ZNF345: variants seen among roughly 807,000 people sequenced by gnomAD.
ZNF345 encodes the protein zinc finger protein HZF10.
For synonymous variants in ZNF345, 166 were observed against 187.9 expected (o/e 0.88, Z 0.95); for missense variants, 527 against 589.9 (o/e 0.89, Z 1.10).
chr19:36,859,553 A>G (rs533526802), intron 2 of ZNF345, among the ~76,000 whole-genome samples: 8 of 150,582 alleles, frequency 5.3e-5, no homozygotes, highest in African/African-American at 1.7e-4. Context: ...GTTTTATATT[A>G]TTTTTATACA....
chr19:36,868,017 T>C (rs1194771200), intron 2 of ZNF345, among the ~76,000 whole-genome samples: 1 of 151,180 alleles, frequency 6.6e-6, no homozygotes, highest in East Asian at 1.9e-4. Context: ...TTTTTTTTTT[T>C]TTTGAGTCAG....
At chr19:36,888,013 GAA>G (rs1222279418) in intron 3 of ZNF345, 2 of 152,008 alleles carry the variant, frequency 1.3e-5, no homozygotes, top group Non-Finnish European at 2.9e-5. Flanking sequence ...AAAAGATTAG[GAA>G]AAGTTACTGA....
Position 36,878,010 on chromosome 19 carries a change from G to C in ZNF345, c.1180G>C (p.Gly394Arg). Residue 394 changes from glycine to arginine, a missense_variant, in exon 3 of 3, where the codon GGT becomes CGT. Coordinates refer to ENST00000420450, the MANE Select transcript of ZNF345 (RefSeq NM_001242472.2). ...TATCCAACACCAGCTAATCCATACT[G>C]GTGAAAGACCCTATGAATGTAAAGA... ...KLIQHQLIHT[G>R]ERPYECKECG... 6.2e-7 allele frequency: 1 copy of C among 1,613,938 alleles called. No homozygotes were observed. The highest frequency in any genetic ancestry group is 8.5e-7 in the Non-Finnish European group (1 of 1,179,904).
At chr19:36,892,012 C>A in intron 3 of ZNF345, 1 of 1,613,798 alleles carries the variant, frequency 6.2e-7, no homozygotes, top group Non-Finnish European at 8.5e-7. Flanking sequence ...AGTGTGAATT[C>A]TCTGATGATC....
chr19:36,858,031 A>C (rs891060974), intron 2 of ZNF345, among the ~76,000 whole-genome samples: 4 of 150,614 alleles, frequency 2.7e-5, no homozygotes, highest in Non-Finnish European at 5.9e-5. Context: ...CCGCCCACCT[A>C]GGCCTCCCAA....
chr19:36,870,410 C>T (rs2146183744), intron 2 of ZNF345, among the ~76,000 whole-genome samples: 1 of 152,130 alleles, frequency 6.6e-6, no homozygotes, highest in African/African-American at 2.4e-5. Flanking sequence ...ACTGCTTGTA[C>T]CACTATTACT....
chr19:36,868,145 G>A (rs1365900111), intron 2 of ZNF345, among the ~76,000 whole-genome samples: 1 of 151,834 alleles, frequency 6.6e-6, no homozygotes, highest in Non-Finnish European at 1.5e-5. Flanking sequence ...TGGGATTACA[G>A]GTGCGTGCCA....
chr19:36,867,624 T>C (rs1215382003), intron 2 of ZNF345, among the ~76,000 whole-genome samples: 1 of 152,236 alleles, frequency 6.6e-6, no homozygotes, highest in Non-Finnish European at 1.5e-5. Flanking sequence ...AATTCTGTTT[T>C]TTTGAAAGAA....
chr19:36,883,185 A>C (rs1379131355), downstream of ZNF345, among the ~76,000 whole-genome samples: 1 of 152,228 alleles, frequency 6.6e-6, no homozygotes, highest in African/African-American at 2.4e-5. Flanking sequence ...AGAACACCAT[A>C]TATCTATAGG....
At chr19:36,876,444 G>C (rs1026624298) in intron 2 of ZNF345, among the ~76,000 whole-genome samples, 1 of 152,086 alleles carries the variant, frequency 6.6e-6, no homozygotes, top group Non-Finnish European at 1.5e-5. Flanking sequence ...AATTAAGACA[G>C]GGCCAGGACA....
In ZNF345 at chr19:36,878,029, G is replaced by A. The variant is rs1171882640; in HGVS notation, c.1199G>A (p.Cys400Tyr). 1.9e-6 allele frequency: 3 copies of A among 1,614,056 alleles called. No individual in the cohort carries two copies. The highest frequency in any genetic ancestry group is 2.5e-6 in the Non-Finnish European group (3 of 1,180,004). ...LIHTGERPYE[C>Y]KECGKSFSSG... ...CATACTGGTGAAAGACCCTATGAATGTAAAGAATGTGGAAAGTCCTTTAGT... is the reference window on the plus strand; with the variant it reads ...CATACTGGTGAAAGACCCTATGAATATAAAGAATGTGGAAAGTCCTTTAGT... The change falls in exon 3 of 3, where the codon TGT becomes TAT. Residue 400 changes from cysteine to tyrosine, a missense_variant. Coordinates refer to ENST00000420450, the MANE Select transcript of ZNF345 (RefSeq NM_001242472.2).
chr19:36,861,786 T>C (rs543788622), intron 2 of ZNF345, among the ~76,000 whole-genome samples: 264 of 152,058 alleles, frequency 1.7e-3, no homozygotes, highest in African/African-American at 6.0e-3. Flanking sequence ...GGTCTTGATC[T>C]CTTGAGCTTG....
downstream of ZNF345, among the ~76,000 whole-genome samples, chr19:36,882,128 A>C (rs1443083434): frequency 6.6e-6 from 1 of 151,972 alleles, no homozygotes; most frequent in African/African-American, 2.4e-5. Flanking sequence ...CTATTTCAAA[A>C]ATATATTTCA....
intron 2 of ZNF345, among the ~76,000 whole-genome samples, chr19:36,854,094 C>G (rs2146119135): frequency 6.6e-6 from 1 of 152,256 alleles, no homozygotes; most frequent in Non-Finnish European, 1.5e-5. Context: ...TCAACAAGGT[C>G]TTGTTTATCT....
downstream of ZNF345, among the ~76,000 whole-genome samples, chr19:36,881,037 A>G (rs898809591): frequency 1.6e-4 from 25 of 152,214 alleles, no homozygotes; most frequent in Non-Finnish European, 1.3e-4. Context: ...AGAATAAAAA[A>G]AGCTAGATCA....
At position 36,861,668 on chromosome 19, in the gene ZNF345, C is replaced by G. The variant is rs539875251; in HGVS notation, c.-47+9764C>G. Among the ~76,000 whole-genome samples, 347 of 152,004 alleles carry G rather than the reference C, an allele frequency of 2.3e-3. 3 individuals carry two copies. Among genetic ancestry groups the G allele is most frequent in the Non-Finnish European group, 2.9e-3 (199 of 67,980 alleles). On this transcript the variant is annotated intron_variant, in intron 2 of 2. Coordinates refer to ENST00000420450, the MANE Select transcript of ZNF345 (RefSeq NM_001242472.2). Reference sequence around the variant, plus strand: ...CTCTGTCTCCTGGGTTCAAGTGATCCTCTTGCCTGAGCCTCCCAAGTAGCT... The same window carrying G: ...CTCTGTCTCCTGGGTTCAAGTGATCGTCTTGCCTGAGCCTCCCAAGTAGCT...
At position 36,876,962 on chromosome 19, in the gene ZNF345, C is replaced by A. The variant is rs776019477; in HGVS notation, c.132C>A (p.Asp44Glu). Residue 44 changes from aspartate (D) to glutamate (E), a missense_variant, in exon 3 of 3, where the codon GAC (aspartate) becomes GAA (glutamate). Asp to Glu is a conservative substitution (Grantham distance 45). Transcript: ENST00000420450. ...GTGAAATGATATTTACTCCTGAAGA[C>A]ATGCCCACTTTCAGTATCCAGCATC... ...HFSEMIFTPE[D>E]MPTFSIQHQR... 1.2e-6 allele frequency: 2 copies of A among 1,614,194 alleles called. No individual in the cohort carries two copies. Among genetic ancestry groups the A allele is most frequent in the South Asian group, 2.2e-5 (2 of 91,082 alleles).
downstream of ZNF345, among the ~76,000 whole-genome samples, chr19:36,881,697 A>G (rs1157707712): frequency 6.6e-6 from 1 of 152,206 alleles, no homozygotes; most frequent in Non-Finnish European, 1.5e-5. Flanking sequence ...GAATCATTAA[A>G]AACAGACTAA....
chr19:36,856,925 A>G (rs2072431714), intron 2 of ZNF345, among the ~76,000 whole-genome samples: 1 of 152,206 alleles, frequency 6.6e-6, no homozygotes, highest in Non-Finnish European at 1.5e-5. Flanking sequence ...ACATTTAGAA[A>G]ATAGAAGGAT....
Sources: gnomAD v4.1 joint callset for allele counts (sites outside exome capture counted in the v4.1 genomes callset) on GRCh38, gnomAD v4.1.1 for gene constraint, MANE v1.5 for transcripts, NCBI Gene and HGNC (gene_info 2026-07-23, HGNC 2026-07-21) for gene names.